PECR: variants seen among roughly 807,000 people sequenced by gnomAD.
PECR encodes the protein peroxisomal trans-2-enoyl-CoA reductase.
Under a neutral mutation model 35.3 loss-of-function variants are expected in PECR, and 30 were observed. The observed-to-expected ratio is 0.85, with a 90% CI of 0.64 to 1.15. The LOEUF is 1.15. Ranked by LOEUF, PECR falls within the 50% of genes most tolerant of loss-of-function variation. The pLI is 0.00. For synonymous variants in PECR, 148 were observed against 138.9 expected (o/e 1.07, Z -0.46); for missense variants, 392 against 370.8 (o/e 1.06, Z -0.47).
chr2:216,070,283 T>C (rs913737107), intron 1 of PECR, among the ~76,000 whole-genome samples: 2 of 152,244 alleles, frequency 1.3e-5, no homozygotes, highest in Non-Finnish European at 2.9e-5. Context: ...CTATCACCTC[T>C]TATCATTTCT....
chr2:216,079,900 G>C (rs1695795466), intron 1 of PECR, among the ~76,000 whole-genome samples: 1 of 145,706 alleles, frequency 6.9e-6, no homozygotes. Flanking sequence ...AGAATCGCTT[G>C]AACCCAGGAG....
intron 6 of PECR, among the ~76,000 whole-genome samples, chr2:216,047,516 C>T (rs1383808123): frequency 1.3e-5 from 2 of 152,140 alleles, no homozygotes; most frequent in African/African-American, 4.8e-5. Flanking sequence ...TTTATCCTTT[C>T]CTTACAGATT....
rs1351013731 is a variant in PECR, at chr2:216,030,954, T to TCA, written c.*440+8236_*440+8237insTG. ...CTCTCTCTCTCTCTCTCTCTCTCTC[T>TCA]CTCACACACACACACACACACACAC... On this transcript the variant is annotated intron_variant and NMD_transcript_variant, in intron 7 of 7. Transcript: ENST00000442122. Among the ~76,000 whole-genome samples, 380 of 109,448 alleles carry TCA rather than the reference T, an allele frequency of 3.5e-3. 1 individual carries two copies. Among genetic ancestry groups the TCA allele is most frequent in the Non-Finnish European group, 5.3e-3 (294 of 54,994 alleles). The allele number at this position is 109,448 out of a possible 152,430, so 71.8% of individuals were successfully genotyped here.
At chr2:216,056,260 G>A (rs1357662305) in intron 4 of PECR, among the ~76,000 whole-genome samples, 1 of 152,060 alleles carries the variant, frequency 6.6e-6, no homozygotes, top group South Asian at 2.1e-4. Flanking sequence ...TAAAAAAAAG[G>A]AGTGCTCAAT....
In PECR at chr2:216,065,326, T is replaced by A; in HGVS notation, c.410A>T (p.Tyr137Phe). Residue 137 changes from tyrosine to phenylalanine, a missense_variant, in exon 3 of 8, where the codon TAC (tyrosine) becomes TTC (phenylalanine). Transcript: ENST00000265322. ...VLETNLTGTF[Y>F]MCKAVYSSWM... ...ATGGTACTTGCCTGCTTTGCACATG[T>A]AGAAGGTACCCGTCAGGTTGGTCTC... 6.2e-7 allele frequency: 1 copy of A among 1,610,400 alleles called. No homozygotes were observed.
In PECR at chr2:216,049,393, A is replaced by G. The variant is rs1695060094; in HGVS notation, c.604-20T>C. 3.9e-6 allele frequency: 4 copies of G among 1,020,708 alleles called. No homozygotes were observed. The Admixed American group carries it at 6.8e-5, about 17-fold the overall frequency. 63.2% of individuals were successfully genotyped at this position (1,020,708 alleles called of 1,614,324 possible). ...AACTCCCTGTGTTTAAAAATAAAAC[A>G]GGGACAAAATAAAGTGTATTATATT... is the stretch of plus-strand genomic sequence containing the variant. On this transcript the variant is annotated intron_variant, in intron 5 of 7. Coordinates refer to ENST00000265322, the MANE Select transcript of PECR (RefSeq NM_018441.6).
chr2:216,065,379 G>T lies in PECR; in HGVS notation c.357C>A (p.Ile119=). ...GCACAGCGTGCCATCCCTTAGAACTGATGTGTTCAGCAGGGGAAAGAAACT... is the reference window on the plus strand; with the variant it reads ...GCACAGCGTGCCATCCCTTAGAACTTATGTGTTCAGCAGGGGAAAGAAACT... ...GGQFLSPAEH[I]SSKGWHAVLE... The change falls in exon 3 of 8, where the codon ATC becomes ATA. Residue 119 remains isoleucine, a synonymous_variant. Coordinates refer to ENST00000265322, the MANE Select transcript of PECR (RefSeq NM_018441.6). The T allele has an allele frequency of 6.2e-7, 1 of 1,608,262 alleles. No homozygotes were observed. The highest frequency in any genetic ancestry group is 8.5e-7 in the Non-Finnish European group (1 of 1,174,568).
chr2:216,063,225 G>T (rs140616880), intron 3 of PECR, among the ~76,000 whole-genome samples: 4 of 151,922 alleles, frequency 2.6e-5, no homozygotes, highest in African/African-American at 9.7e-5. Context: ...TTTAAGGGCC[G>T]CATAGTTCTT....
At chr2:216,041,015 G>C (rs963685953) in intron 7 of PECR, among the ~76,000 whole-genome samples, 3 of 152,088 alleles carry the variant, frequency 2.0e-5, no homozygotes, top group Non-Finnish European at 4.4e-5. Flanking sequence ...GGCTAATAAG[G>C]GTAGAGCCAA....
downstream of PECR, among the ~76,000 whole-genome samples, chr2:216,038,128 TA>T (rs140690441): frequency 2.0e-5 from 3 of 151,524 alleles, no homozygotes; most frequent in African/African-American, 7.3e-5. Flanking sequence ...GTGTTAATGA[TA>T]AAAAAAAGAA....
At chr2:216,032,270 G>T (rs1250304723) in intron 7 of PECR, among the ~76,000 whole-genome samples, 2 of 152,182 alleles carry the variant, frequency 1.3e-5, no homozygotes, top group Non-Finnish European at 2.9e-5. Flanking sequence ...GAAAACAAAA[G>T]CCAAATGGTC....
At chr2:216,055,989 T>C (rs983692527) in intron 4 of PECR, among the ~76,000 whole-genome samples, 1 of 151,962 alleles carries the variant, frequency 6.6e-6, no homozygotes, top group African/African-American at 2.4e-5. Context: ...CTTTGAGACA[T>C]GTCGCCTGGA....
chr2:216,070,027 G>A (rs545218176), intron 1 of PECR, among the ~76,000 whole-genome samples: 13 of 151,812 alleles, frequency 8.6e-5, no homozygotes, highest in African/African-American at 2.4e-4. Context: ...AACATAGAAA[G>A]GAGTACAATA....
chr2:216,041,200 A>C (rs1694880622), intron 7 of PECR, among the ~76,000 whole-genome samples: 2 of 152,024 alleles, frequency 1.3e-5, no homozygotes, highest in South Asian at 4.1e-4. Flanking sequence ...TTAGAATTAC[A>C]AAAGAAAATC....
In PECR at chr2:216,031,691, G is replaced by GAGAAAGAAAGAAAGAAAGAAAGAA. The variant is rs1395273679; in HGVS notation, c.*440+7499_*440+7500insTTCTTTCTTTCTTTCTTTCTTTCT. 2.2e-3 allele frequency among the ~76,000 whole-genome samples: 136 copies of GAGAAAGAAAGAAAGAAAGAAAGAA among 61,112 alleles called. 3 individuals carry two copies. The highest frequency in any genetic ancestry group is 4.1e-3 in the African/African-American group (68 of 16,586). 40.1% of individuals were successfully genotyped at this position (61,112 alleles called of 152,430 possible). A position where few individuals can be genotyped will look rare whatever the true frequency, so the allele number is the denominator to read the frequency against. On this transcript the variant is annotated intron_variant and NMD_transcript_variant, in intron 7 of 7. Coordinates refer to the PECR transcript ENST00000442122. ...AGAAAGAAAGAAAGAAAGAAAGAAAGAGAAAGAAAGAAAGAAAGAAAGGGA... is the reference window on the plus strand; with the variant it reads ...AGAAAGAAAGAAAGAAAGAAAGAAAGAGAAAGAAAGAAAGAAAGAAAGAAAGAAAGAAAGAAAGAAAGAAAGGGA...
intron 4 of PECR, among the ~76,000 whole-genome samples, chr2:216,053,416 T>C (rs1695159125): frequency 6.6e-6 from 1 of 152,000 alleles, no homozygotes; most frequent in Non-Finnish European, 1.5e-5. Context: ...GCTAGTTTTT[T>C]GTATTTTTAG....
chr2:216,071,152 C>A (rs566178190), intron 1 of PECR, among the ~76,000 whole-genome samples: 1 of 152,328 alleles, frequency 6.6e-6, no homozygotes, highest in South Asian at 2.1e-4. Flanking sequence ...TCTGTGGTCG[C>A]ACACACCTTG....
chr2:216,046,300 A>ATTT (rs1694989494), intron 6 of PECR, among the ~76,000 whole-genome samples: 2 of 113,030 alleles, frequency 1.8e-5, no homozygotes, highest in African/African-American at 8.3e-5. Flanking sequence ...ATACATATAT[A>ATTT]TATATATATA....
At chr2:216,031,491 AAGAG>A in intron 7 of PECR, among the ~76,000 whole-genome samples, 1 of 130,588 alleles carries the variant, frequency 7.7e-6, no homozygotes, top group East Asian at 2.3e-4. Context: ...GAAAGAAAGA[AAGAG>A]AAAGAAAGAG....
Sources: gnomAD v4.1 joint callset for allele counts (sites outside exome capture counted in the v4.1 genomes callset) on GRCh38, gnomAD v4.1.1 for gene constraint, MANE v1.5 for transcripts, NCBI Gene and HGNC (gene_info 2026-07-23, HGNC 2026-07-21) for gene names.